Variants in CALN1 observed in about 807,000 individuals in gnomAD.
CALN1 encodes calneuron 1.
A neutral mutation model predicts 30.6 loss-of-function variants in CALN1; 17 were observed. That is an observed-to-expected ratio of 0.56 (90% CI 0.38 to 0.83). The LOEUF (loss-of-function observed/expected upper bound fraction) is 0.83. CALN1 is among the 40% of genes least tolerant of loss of function. The pLI is 0.00. For synonymous variants in CALN1, 156 were observed against 131.4 expected (o/e 1.19, Z -1.28); for missense variants, 291 against 354.9 (o/e 0.82, Z 1.45).
At chr7:72,062,947 A>G (rs1323917972) in intron 4 of CALN1, among the ~76,000 whole-genome samples, 1 of 152,220 alleles carries the variant, frequency 6.6e-6, no homozygotes, top group Non-Finnish European at 1.5e-5. Flanking sequence ...AATCTCTTCC[A>G]GAAAATAAAA....
chr7:71,995,309 T>C (rs961591560), intron 5 of CALN1, among the ~76,000 whole-genome samples: 1 of 152,244 alleles, frequency 6.6e-6, no homozygotes, highest in Non-Finnish European at 1.5e-5. Flanking sequence ...GCACAGCTGC[T>C]GTCATTCACC....
the CALN1 span, among the ~76,000 whole-genome samples, chr7:72,495,727 C>T: frequency 4.6e-5 from 7 of 152,270 alleles, no homozygotes; most frequent in East Asian, 1.9e-4. Flanking sequence ...TGAGGCAAAT[C>T]GTTATTGCTT....
At chr7:72,449,001 T>C (rs1344579048), upstream of CALN1, among the ~76,000 whole-genome samples, 2 of 152,076 alleles carry the variant, frequency 1.3e-5, no homozygotes, top group African/African-American at 4.8e-5. Flanking sequence ...GTACGTGCCT[T>C]GGAGTGAGTG....
At chr7:71,971,204 T>G (rs532784639) in intron 5 of CALN1, among the ~76,000 whole-genome samples, 1 of 152,270 alleles carries the variant, frequency 6.6e-6, no homozygotes, top group South Asian at 2.1e-4. Flanking sequence ...ATCCCAGCGC[T>G]TTGGGAGGCC....
At chr7:72,281,732 A>G (rs1443025952) in intron 2 of CALN1, among the ~76,000 whole-genome samples, 4 of 152,198 alleles carry the variant, frequency 2.6e-5, no homozygotes, top group Admixed American at 2.6e-4. Flanking sequence ...AGCATTTTAT[A>G]AATATCTTCC....
chr7:72,370,462 G>A (rs1172448339), intron 2 of CALN1, among the ~76,000 whole-genome samples: 3 of 151,890 alleles, frequency 2.0e-5, no homozygotes, highest in Admixed American at 2.0e-4. Context: ...AGACCATCCT[G>A]GCTAACACGG....
intron 5 of CALN1, among the ~76,000 whole-genome samples, chr7:72,017,742 G>A (rs548242219): frequency 6.6e-6 from 1 of 152,262 alleles, no homozygotes; most frequent in African/African-American, 2.4e-5. Context: ...AAAACAGAAA[G>A]TCTAAATTAG....
chr7:72,268,115 C>T (rs1197014092), intron 3 of CALN1, among the ~76,000 whole-genome samples: 1 of 152,120 alleles, frequency 6.6e-6, no homozygotes, highest in East Asian at 1.9e-4. Flanking sequence ...GTGCCTAGCA[C>T]ATAGTAAGCA....
chr7:72,384,040 G>C (rs775617486), intron 2 of CALN1, among the ~76,000 whole-genome samples: 1 of 152,156 alleles, frequency 6.6e-6, no homozygotes, highest in Non-Finnish European at 1.5e-5. Flanking sequence ...CAAAGACTTG[G>C]AACCAACCCA....
intron 5 of CALN1, among the ~76,000 whole-genome samples, chr7:71,929,514 C>A (rs997178420): frequency 6.6e-6 from 1 of 152,182 alleles, no homozygotes; most frequent in African/African-American, 2.4e-5. Context: ...ATATGTACCA[C>A]ATTTTCTTTA....
At chr7:72,274,474 C>T (rs984460518) in intron 3 of CALN1, among the ~76,000 whole-genome samples, 1 of 149,050 alleles carries the variant, frequency 6.7e-6, no homozygotes, top group Non-Finnish European at 1.5e-5. Flanking sequence ...CGCCACTGCA[C>T]TCCAGCCTCG....
At position 71,998,962 on chromosome 7, in the gene CALN1, CAG is replaced by C. The variant is rs1799391638; in HGVS notation, c.501+24693_501+24694del. Among the ~76,000 whole-genome samples, 10 of 151,982 alleles carry C rather than the reference CAG, an allele frequency of 6.6e-5. No homozygotes were observed. The South Asian group carries it at 1.9e-3, about 28-fold the overall frequency. On this transcript the variant is annotated intron_variant, in intron 5 of 6. Transcript: ENST00000395275. ...AGGAACAAGAATCCAAGGAACCAAA[CAG>C]AAAAAAATTAATAAAATGGTAGACT...
intron 3 of CALN1, among the ~76,000 whole-genome samples, chr7:72,135,597 A>C (rs1026068896): frequency 6.6e-6 from 1 of 152,210 alleles, no homozygotes; most frequent in Admixed American, 6.5e-5. Context: ...ACCATGCTAT[A>C]AACAGATGTG....
At chr7:72,225,294 T>A (rs2129550205) in intron 3 of CALN1, among the ~76,000 whole-genome samples, 2 of 152,130 alleles carry the variant, frequency 1.3e-5, no homozygotes, top group Middle Eastern at 6.8e-3. Flanking sequence ...AGGACACACC[T>A]TAGCAGGGTG....
rs150571231 is a variant in CALN1 at position 71,787,351 on chromosome 7, G to A, written c.*424C>T. 377 of 169,132 alleles carry A rather than the reference G, an allele frequency of 2.2e-3. 3 individuals are homozygous for A. The highest frequency in any genetic ancestry group is 8.3e-3 in the African/African-American group (354 of 42,504). 10.5% of individuals were successfully genotyped at this position (169,132 alleles called of 1,614,324 possible). ...TTGGAACTGAGGGTTGACCTCAGCA[G>A]AGAGTCTCCTGTTGACCCTTGGGTT... On this transcript the variant is annotated 3_prime_UTR_variant, in exon 7 of 7. Coordinates refer to ENST00000395275, the MANE Select transcript of CALN1 (RefSeq NM_031468.4).
chr7:71,954,457 C>T (rs1466215503), intron 5 of CALN1, among the ~76,000 whole-genome samples: 2 of 151,858 alleles, frequency 1.3e-5, no homozygotes, highest in East Asian at 3.9e-4. Context: ...GAGACTCCAT[C>T]TCGAAAACTT....
chr7:71,918,010 A>C (rs1794764570), intron 5 of CALN1, among the ~76,000 whole-genome samples: 1 of 152,200 alleles, frequency 6.6e-6, no homozygotes, highest in Non-Finnish European at 1.5e-5. Context: ...TGCATTATAA[A>C]ATGATTCTCT....
intron 5 of CALN1, among the ~76,000 whole-genome samples, chr7:71,986,916 C>G (rs1037514727): frequency 4.6e-5 from 7 of 152,224 alleles, no homozygotes; most frequent in South Asian, 4.1e-4. Context: ...TCACTTGAGA[C>G]CAGGGGTTTG....
chr7:72,445,890 G>A (rs1304034062), intron 1 of CALN1, among the ~76,000 whole-genome samples: 1 of 152,154 alleles, frequency 6.6e-6, no homozygotes, highest in Non-Finnish European at 1.5e-5. Context: ...CTCTACTCAC[G>A]TGAGCTGTGT....
Sources: gnomAD v4.1 joint callset for allele counts (sites outside exome capture counted in the v4.1 genomes callset) on GRCh38, gnomAD v4.1.1 for gene constraint, MANE v1.5 for transcripts, NCBI Gene and HGNC (gene_info 2026-07-23, HGNC 2026-07-21) for gene names.